MAP1A: variants seen among roughly 807,000 people sequenced by gnomAD.
MAP1A encodes the protein microtubule associated protein 1A, also known as microtubule-associated protein 1A.
A neutral mutation model predicts 185.9 loss-of-function variants in MAP1A; 42 were observed. The observed-to-expected ratio is 0.23, with a 90% confidence interval of 0.18 to 0.29. The LOEUF is 0.29. Ranked by LOEUF, MAP1A falls within the 10% of genes least tolerant of loss-of-function variation. The pLI is 1.00. For missense variants in MAP1A, 2,995 were observed against 3,450.4 expected, an observed-to-expected ratio of 0.87 and a Z score of 3.31; for synonymous variants, 1,229 against 1,335.9, an observed-to-expected ratio of 0.92 and a Z score of 1.74.
chr15:43,523,170 A>G lies in MAP1A; in HGVS notation c.1697A>G (p.Glu566Gly). The change falls in exon 4 of 6, where the codon GAG becomes GGG. Residue 566 changes from glutamate to glycine, a missense_variant. By Grantham distance (98) the Glu-to-Gly change is moderately conservative (BLOSUM62 -2). Transcript: ENST00000300231. ...CCATTCCCTCTAGACACTGCAGAGG[A>G]GGGACCCCCAAGTACAGCTATCCAG... ...DKPFPLDTAE[E>G]GPPSTAIQGT... 6.2e-7 allele frequency: 1 copy of G among 1,614,130 alleles called. No homozygotes were observed. The highest frequency in any genetic ancestry group is 8.5e-7 in the Non-Finnish European group (1 of 1,180,020).
chr15:43,524,974 G>T lies in MAP1A; in HGVS notation c.3501G>T (p.Glu1167Asp). 6.2e-7 allele frequency: 1 copy of T among 1,614,128 alleles called. No individual in the cohort carries two copies. The highest frequency in any genetic ancestry group is 8.5e-7 in the Non-Finnish European group (1 of 1,180,014). ...SVPSPDTANQEPTPKSPCGLT... is the reference protein window; with the variant it reads ...SVPSPDTANQDPTPKSPCGLT... ...CCTCCCCAGACACTGCCAACCAAGA[G>T]CCTACCCCCAAGTCTCCCTGTGGCC... Residue 1167 changes from glutamate (E) to aspartate (D), a missense_variant, in exon 4 of 6, where the codon GAG (glutamate) becomes GAT (aspartate). Coordinates refer to ENST00000300231, the MANE Select transcript of MAP1A (RefSeq NM_002373.6).
upstream of MAP1A, among the ~76,000 whole-genome samples, chr15:43,514,208 T>A (rs1225299689): frequency 2.6e-5 from 4 of 152,214 alleles, no homozygotes; most frequent in Non-Finnish European, 5.9e-5. Context: ...AGATCAGAGC[T>A]TACTTTGGCA....
At chr15:43,511,075 G>T in exon 1 of MAP1A, 1 of 1,549,796 alleles carries the variant, frequency 6.5e-7, no homozygotes. Context: ...CCGGCGCACC[G>T]CTGGCTCAGA....
chr15:43,529,388 C>T lies in MAP1A; in HGVS notation c.7915C>T (p.Arg2639Ter). ...CACCCCTGGTAAAGGGCCTGCAGAT[C>T]GAGCATCCCGGGCCCCACCTCGACC... ...SPTPGKGPAD[R>*]ASRAPPRPRS... Residue 2639 changes from arginine to a stop codon, truncating the protein, a stop_gained, in exon 4 of 6, where the codon CGA becomes TGA. Transcript: ENST00000300231. LOFTEE classifies it high-confidence loss of function. This position sits in a 1 kb window ranked among gnomAD's most constrained non-coding sequence, Gnocchi z 4.3. 6.2e-7 allele frequency: 1 copy of T among 1,613,928 alleles called. No individual in the cohort carries two copies. Among genetic ancestry groups the T allele is most frequent in the Non-Finnish European group, 8.5e-7 (1 of 1,180,010 alleles).
chr15:43,511,210 G>A (rs1352379381), exon 1 of MAP1A: 1 of 1,550,296 alleles, frequency 6.5e-7, no homozygotes, highest in African/African-American at 1.4e-5. Context: ...GGGCCGTGCG[G>A]GCCCACCTTG....
chr15:43,518,773 C>G (rs1392393244), intron 1 of MAP1A, among the ~76,000 whole-genome samples: 1 of 148,556 alleles, frequency 6.7e-6, no homozygotes, highest in East Asian at 2.0e-4. Flanking sequence ...ATGGTCCTCT[C>G]TAAAGAAAAA....
rs777818320 is a variant in MAP1A at position 43,528,649 on chromosome 15, C to G, written c.7176C>G (p.Ala2392=). 6.2e-7 allele frequency: 1 copy of G among 1,613,368 alleles called. No homozygotes were observed. Among genetic ancestry groups the G allele is most frequent in the Non-Finnish European group, 8.5e-7 (1 of 1,179,850 alleles). ...CTTGCCCTGCCTGGGAACGTGGGGCCTGGCCTGAAGGAGCTGAGAGGAGCT... is the reference window on the plus strand; with the variant it reads ...CTTGCCCTGCCTGGGAACGTGGGGCGTGGCCTGAAGGAGCTGAGAGGAGCT... ...AAACPAWERG[A]WPEGAERSSR... is the part of the protein sequence containing the mutation. Residue 2392 remains alanine, a synonymous_variant, in exon 4 of 6, where the codon GCC becomes GCG. Coordinates refer to ENST00000300231, the MANE Select transcript of MAP1A (RefSeq NM_002373.6).
At chr15:43,515,867 A>G (rs902142385), upstream of MAP1A, among the ~76,000 whole-genome samples, 1 of 152,184 alleles carries the variant, frequency 6.6e-6, no homozygotes, top group Non-Finnish European at 1.5e-5. Context: ...CTAGGAATAC[A>G]GCAGGTGGAG....
Position 43,523,634 on chromosome 15 carries a change from A to G in MAP1A, c.2161A>G (p.Ser721Gly). The G allele has an allele frequency of 6.2e-7, 1 of 1,614,170 alleles. No homozygotes were observed. The highest frequency in any genetic ancestry group is 8.5e-7 in the Non-Finnish European group (1 of 1,180,012). ...PEKETSLFLS[S>G]LTTPAGATEH... ...GAAGGAGACCTCGTTATTCCTAAGCAGCCTGACCACACCTGCAGGAGCCAC... is the reference window on the plus strand; with the variant it reads ...GAAGGAGACCTCGTTATTCCTAAGCGGCCTGACCACACCTGCAGGAGCCAC... The change falls in exon 4 of 6, where the codon AGC becomes GGC. Residue 721 changes from serine to glycine, a missense_variant. Around this residue, in one of 3 missense-constraint regions of MAP1A, gnomAD observed 2,728 missense variants for 2,986.0 expected, o/e 0.91. Transcript: ENST00000300231.
exon 1 of MAP1A, chr15:43,511,067 G>T (rs984859737): frequency 1.3e-6 from 2 of 1,549,460 alleles, no homozygotes; most frequent in African/African-American, 1.4e-5. Context: ...CCGAAGTCCC[G>T]GCGCACCGCT....
rs764256738 is a variant in MAP1A at position 43,523,907 on chromosome 15, C to G, written c.2434C>G (p.Pro812Ala). The change falls in exon 4 of 6, where the codon CCC (proline) becomes GCC (alanine). Residue 812 changes from proline to alanine, a missense_variant. Around this residue, in one of 3 missense-constraint regions of MAP1A, gnomAD observed 2,728 missense variants for 2,986.0 expected, o/e 0.91. Transcript: ENST00000300231. The part of the protein sequence containing the change: ...YGTPETELTY[P>A]TNIVAAPLAE... ...AACGCCAGAGACTGAACTCACCTAC[C>G]CCACTAACATAGTGGCTGCCCCTTT... is the stretch of plus-strand genomic sequence containing the variant. The G allele has an allele frequency of 1.6e-5, 26 of 1,614,082 alleles. No homozygotes were observed. Among genetic ancestry groups the G allele is most frequent in the East Asian group, 2.2e-5 (1 of 44,898 alleles).
At position 43,522,427 on chromosome 15, in the gene MAP1A, T is replaced by G. The variant is rs201117585; in HGVS notation, c.954T>G (p.Asp318Glu). 2 of 1,614,032 alleles carry G rather than the reference T, an allele frequency of 1.2e-6. No individual in the cohort carries two copies. The highest frequency in any genetic ancestry group is 8.5e-7 in the Non-Finnish European group (1 of 1,180,006). Reference protein sequence around the residue: ...LKPSKIKQRADSKESLKATTK... With the variant: ...LKPSKIKQRAESKESLKATTK... ...CCAGCAAAATCAAACAGCGGGCTGA[T>G]AGCAAGGAGAGCCTCAAAGCCACTA... The change falls in exon 4 of 6, where the codon GAT (aspartate) becomes GAG (glutamate). Residue 318 changes from aspartate to glutamate, a missense_variant. Transcript: ENST00000300231. This position sits in a 1 kb window ranked among gnomAD's most constrained non-coding sequence, Gnocchi z 5.9.
exon 2 of MAP1A, chr15:43,512,226 A>C: frequency 6.5e-7 from 1 of 1,549,990 alleles, no homozygotes; most frequent in Non-Finnish European, 8.7e-7. Context: ...TCATCCTTTG[A>C]CTTGAACCAA....
Position 43,526,281 on chromosome 15 carries a change from A to G in MAP1A, c.4808A>G (p.Lys1603Arg). 1 of 1,614,174 alleles carries G rather than the reference A, an allele frequency of 6.2e-7. No homozygotes were observed. Among genetic ancestry groups the G allele is most frequent in the African/African-American group, 1.3e-5 (1 of 75,052 alleles). Reference sequence around the variant, plus strand: ...ATGCTAGAGGAAAAATCCCCAGAAAAGGTCAAGGCCATGGAAGAGAAGTTA... The same window carrying G: ...ATGCTAGAGGAAAAATCCCCAGAAAGGGTCAAGGCCATGGAAGAGAAGTTA... ...PKMLEEKSPE[K>R]VKAMEEKLEA... The change falls in exon 4 of 6, where the codon AAG (lysine) becomes AGG (arginine). Residue 1603 changes from lysine (K) to arginine (R), a missense_variant. Around this residue, in one of 3 missense-constraint regions of MAP1A, gnomAD observed 2,728 missense variants for 2,986.0 expected, o/e 0.91. Transcript: ENST00000300231. This position sits in a 1 kb window ranked among gnomAD's most constrained non-coding sequence, Gnocchi z 4.7.
At position 43,527,373 on chromosome 15, in the gene MAP1A, A is replaced by C. The variant is rs753507646; in HGVS notation, c.5900A>C (p.Tyr1967Ser). 1 of 1,614,218 alleles carries C rather than the reference A, an allele frequency of 6.2e-7. No homozygotes were observed. Among genetic ancestry groups the C allele is most frequent in the South Asian group, 1.1e-5 (1 of 91,088 alleles). The change falls in exon 4 of 6, where the codon TAT (tyrosine) becomes TCT (serine). Residue 1967 changes from tyrosine to serine, a missense_variant. Physicochemically the swap from Tyr to Ser is moderately radical, Grantham distance 144. This residue lies in a region of MAP1A where 2,728 missense variants were observed against 2,986.0 expected (regional missense o/e 0.91). Transcript: ENST00000300231. ...TPYPDERSFQ[Y>S]ADIYEQMMLT... The stretch of plus-strand genomic sequence containing the variant: ...TATCCTGATGAGAGAAGCTTTCAGT[A>C]TGCAGACATCTATGAGCAGATGATG...
chr15:43,518,345 A>G (rs773585886), intron 1 of MAP1A, among the ~76,000 whole-genome samples: 1 of 151,602 alleles, frequency 6.6e-6, no homozygotes, highest in Non-Finnish European at 1.5e-5. Flanking sequence ...GCCACTCTGG[A>G]GACGGAGAAC....
upstream of MAP1A, among the ~76,000 whole-genome samples, chr15:43,513,279 A>G (rs1445882186): frequency 6.6e-6 from 1 of 152,000 alleles, no homozygotes; most frequent in Non-Finnish European, 1.5e-5. Flanking sequence ...GTGAGCCAAG[A>G]TCGTGCCATT....
At position 43,527,666 on chromosome 15, in the gene MAP1A, C is replaced by T. The variant is rs544169355; in HGVS notation, c.6193C>T (p.Arg2065Cys). 17 of 1,613,388 alleles carry T rather than the reference C, an allele frequency of 1.1e-5. No homozygotes were observed. The highest frequency in any genetic ancestry group is 1.6e-4 in the Middle Eastern group (1 of 6,080). ...CCTCACCCCACCTGCAGTTCCCCCC[C>T]GTGCTCCTATCCTGAGCAAAGGCCC... ...PSLTPPAVPPRAPILSKGPSP... is the reference protein window; with the variant it reads ...PSLTPPAVPPCAPILSKGPSP... The change falls in exon 4 of 6, where the codon CGT becomes TGT. Residue 2065 changes from arginine (R) to cysteine (C), a missense_variant. Around this residue, in one of 3 missense-constraint regions of MAP1A, gnomAD observed 2,728 missense variants for 2,986.0 expected, o/e 0.91. Coordinates refer to ENST00000300231, the MANE Select transcript of MAP1A (RefSeq NM_002373.6).
rs1187353716 is a variant in MAP1A, at chr15:43,530,229, G to C, written c.*5G>C. Reference sequence around the variant, plus strand: ...GCCTGCAAGATTGAGTTCTGAAAGAGCCGCCCTCCCTTCCCCAAGGATCCA... The same window carrying C: ...GCCTGCAAGATTGAGTTCTGAAAGACCCGCCCTCCCTTCCCCAAGGATCCA... On this transcript the variant is annotated 3_prime_UTR_variant, in exon 6 of 6. Coordinates refer to ENST00000300231, the MANE Select transcript of MAP1A (RefSeq NM_002373.6). The C allele has an allele frequency of 3.7e-6, 6 of 1,613,912 alleles. No individual in the cohort carries two copies. Among genetic ancestry groups the C allele is most frequent in the Non-Finnish European group, 5.1e-6 (6 of 1,179,882 alleles).
Sources: gnomAD v4.1 joint callset for allele counts (sites outside exome capture counted in the v4.1 genomes callset) on GRCh38, gnomAD v4.1.1 for gene constraint, gnomAD v4.1.1 regional missense constraint, Gnocchi (gnomAD v3.1) non-coding constraint, MANE v1.5 for transcripts, NCBI Gene and HGNC (gene_info 2026-07-23, HGNC 2026-07-21) for gene names.